The following SLC36A1 variants were observed in gnomAD, a reference collection of about 807,000 sequenced individuals.
SLC36A1 encodes the protein proton-coupled amino acid transporter 1.
SLC36A1 carries 30 observed loss-of-function variants against 47.5 expected under a neutral mutation model. The observed-to-expected ratio is 0.63, with a 90% confidence interval of 0.47 to 0.86. The LOEUF (loss-of-function observed/expected upper bound fraction) is 0.86, where lower values mean the gene tolerates loss of function less well. Ranked by LOEUF, SLC36A1 falls within the 40% of genes least tolerant of loss-of-function variation. SLC36A1 has a pLI of 0.00. For synonymous variants in SLC36A1, 255 were observed against 249.7 expected, an observed-to-expected ratio of 1.02 and a Z score of -0.20; for missense variants, 517 against 606.0, an observed-to-expected ratio of 0.85 and a Z score of 1.54.
chr5:151,458,188 G>A (rs1754875201), intron 1 of SLC36A1, among the ~76,000 whole-genome samples: 1 of 151,296 alleles, frequency 6.6e-6, no homozygotes, highest in Non-Finnish European at 1.5e-5. Context: ...TCTATTGAAG[G>A]CAGAGGAAAA....
the SLC36A1 span, chr5:151,554,582 A>C: frequency 1.2e-6 from 2 of 1,614,124 alleles, no homozygotes; most frequent in South Asian, 2.2e-5. Flanking sequence ...CTTGTGGGAG[A>C]ATATAGGTGG....
At chr5:151,401,817 A>G in the SLC36A1 span, among the ~76,000 whole-genome samples, 2 of 152,138 alleles carry the variant, frequency 1.3e-5, no homozygotes, top group Non-Finnish European at 2.9e-5. Flanking sequence ...GTCAGCTTAA[A>G]CATTATCAAT....
At position 151,491,606 on chromosome 5, in the gene SLC36A1, A is replaced by G. The variant is rs1392617455; in HGVS notation, c.*3352A>G. ...ATTTTTTGGAAGTGCAAAAATCTCA[A>G]TTTGTGTCTGTTTACAGCTCTCTCT... On this transcript the variant is annotated 3_prime_UTR_variant, in exon 11 of 11. Coordinates refer to ENST00000243389, the MANE Select transcript of SLC36A1 (RefSeq NM_078483.4). 2.6e-5 allele frequency: 4 copies of G among 152,574 alleles called. No homozygotes were observed. The highest frequency in any genetic ancestry group is 5.9e-5 in the Non-Finnish European group (4 of 68,030). The allele number at this position is 152,574 out of a possible 1,614,324, so 9.5% of individuals were successfully genotyped here.
the SLC36A1 span, among the ~76,000 whole-genome samples, chr5:151,528,810 C>A: frequency 6.6e-6 from 1 of 152,134 alleles, no homozygotes; most frequent in Non-Finnish European, 1.5e-5. Context: ...TCAGTCCCTG[C>A]CCCACAACTG....
At chr5:151,475,929 T>C (rs1222436779) in intron 8 of SLC36A1, among the ~76,000 whole-genome samples, 1 of 152,246 alleles carries the variant, frequency 6.6e-6, no homozygotes, top group East Asian at 1.9e-4. Flanking sequence ...CTCATTTTCA[T>C]AGGGGCCTTT....
chr5:151,479,206 G>A, intron 9 of SLC36A1, 114 bp from the exon 10 acceptor site: 1 of 1,125,440 alleles, frequency 8.9e-7, no homozygotes, highest in Non-Finnish European at 1.3e-6. Context: ...AAGGACATGT[G>A]GGTTTGTATC....
the SLC36A1 span, among the ~76,000 whole-genome samples, chr5:151,384,066 GTCT>G: frequency 2.2e-3 from 336 of 151,844 alleles, no homozygotes; most frequent in African/African-American, 7.7e-3. Flanking sequence ...GAAGGCAAAT[GTCT>G]TCATTTCTGA....
At chr5:151,367,799 C>T in the SLC36A1 span, among the ~76,000 whole-genome samples, 2 of 152,144 alleles carry the variant, frequency 1.3e-5, no homozygotes, top group African/African-American at 2.4e-5. Flanking sequence ...CAGCTTCAGC[C>T]GGTCCCTCTG....
At chr5:151,447,533 G>T (rs1753002836), upstream of SLC36A1, 1 of 152,296 alleles carries the variant, frequency 6.6e-6, no homozygotes, top group Non-Finnish European at 1.5e-5. Context: ...AGCTCAGTGA[G>T]AAAAAAGGCG....
the SLC36A1 span, among the ~76,000 whole-genome samples, chr5:151,379,464 G>A: frequency 6.6e-6 from 1 of 152,346 alleles, no homozygotes; most frequent in South Asian, 2.1e-4. Flanking sequence ...CTCCCAAGTA[G>A]CTGGGATTAC....
chr5:151,381,210 C>T, the SLC36A1 span: 3 of 365,692 alleles, frequency 8.2e-6, no homozygotes, highest in African/African-American at 2.2e-5. Context: ...GGACTATATG[C>T]CTCCTCCTCA....
At chr5:151,423,968 T>G in the SLC36A1 span, among the ~76,000 whole-genome samples, 2 of 134,996 alleles carry the variant, frequency 1.5e-5, no homozygotes, top group Non-Finnish European at 3.1e-5. Context: ...TACGATCTAT[T>G]AAAAAACAAA....
At chr5:151,546,272 C>A in the SLC36A1 span, 10 of 1,614,042 alleles carry the variant, frequency 6.2e-6, no homozygotes, top group Admixed American at 1.5e-4. Context: ...TTTGCCTGAT[C>A]AAGCTTTTGA....
chr5:151,480,992 G>T (rs1758717584), intron 10 of SLC36A1, among the ~76,000 whole-genome samples: 1 of 152,162 alleles, frequency 6.6e-6, no homozygotes, highest in South Asian at 2.1e-4. Flanking sequence ...ACAGGAGCCT[G>T]ACTCCTCTCC....
Position 151,476,583 on chromosome 5 carries a change from C to G in SLC36A1, c.823-7C>G, listed in dbSNP as rs756827262. 40 of 1,557,018 alleles carry G rather than the reference C, an allele frequency of 2.6e-5. No homozygotes were observed. In the South Asian group the frequency reaches 4.7e-4, roughly 18 times the overall value. On this transcript the variant is annotated splice_polypyrimidine_tract_variant and splice_region_variant and intron_variant, in intron 8 of 10. Transcript: ENST00000243389. The stretch of plus-strand genomic sequence containing the variant: ...ACTTTCTCTCCTCTCTCACTACTCT[C>G]TCATAGGTTCTGCCCCTGGAAAACA...
chr5:151,407,898 T>A, the SLC36A1 span, among the ~76,000 whole-genome samples: 1 of 152,316 alleles, frequency 6.6e-6, no homozygotes, highest in East Asian at 1.9e-4. Context: ...ACAGTGATTA[T>A]CATAATAAAG....
chr5:151,448,932 A>C (rs1753215840), intron 1 of SLC36A1, among the ~76,000 whole-genome samples: 1 of 152,018 alleles, frequency 6.6e-6, no homozygotes, highest in Non-Finnish European at 1.5e-5. Flanking sequence ...TTTGTTTTTA[A>C]ATAGAGATGA....
chr5:151,518,102 G>A, the SLC36A1 span, among the ~76,000 whole-genome samples: 3 of 152,058 alleles, frequency 2.0e-5, no homozygotes, highest in African/African-American at 4.8e-5. Flanking sequence ...AGGCTGTGGC[G>A]GGAGGATCAC....
the SLC36A1 span, among the ~76,000 whole-genome samples, chr5:151,526,665 G>A: frequency 6.6e-6 from 1 of 152,118 alleles, no homozygotes; most frequent in Non-Finnish European, 1.5e-5. Context: ...TTTTTAGTCA[G>A]GTAACTTATT....
Sources: allele counts gnomAD v4.1 joint callset (sites outside exome capture counted in the v4.1 genomes callset), GRCh38; gene constraint gnomAD v4.1.1; transcripts MANE v1.5; gene names NCBI Gene and HGNC (gene_info 2026-07-23, HGNC 2026-07-21).